Variants in SDHAF4 observed in about 807,000 individuals in gnomAD.
SDHAF4 encodes the protein succinate dehydrogenase assembly factor 4, mitochondrial.
Under a neutral mutation model 14.3 loss-of-function variants are expected in SDHAF4, and 14 were observed. The observed-to-expected ratio is 0.98, with a 90% CI of 0.65 to 1.53. The LOEUF (loss-of-function observed/expected upper bound fraction) is 1.53, where lower values mean the gene tolerates loss of function less well. Among genes scored for constraint, SDHAF4 ranks in the 40% most tolerant of loss-of-function variants. The pLI is 0.00. For missense variants in SDHAF4, 141 were observed against 129.3 expected (o/e 1.09, Z -0.44); for synonymous variants, 63 against 47.3 (o/e 1.33, Z -1.36).
intron 1 of SDHAF4, among the ~76,000 whole-genome samples, chr6:70,575,195 T>A (rs1802237880): frequency 6.6e-6 from 1 of 152,172 alleles, no homozygotes; most frequent in African/African-American, 2.4e-5. Context: ...CTGGCCAACA[T>A]GGCGAAACCC....
intron 1 of SDHAF4, among the ~76,000 whole-genome samples, chr6:70,568,587 G>T (rs1206223545): frequency 6.6e-6 from 1 of 152,116 alleles, no homozygotes; most frequent in African/African-American, 2.4e-5. Context: ...ATTTTCCAGT[G>T]CCCTTCTCAA....
downstream of SDHAF4, among the ~76,000 whole-genome samples, chr6:70,589,963 G>T (rs894933755): frequency 1.3e-5 from 2 of 152,094 alleles, no homozygotes; most frequent in Non-Finnish European, 2.9e-5. Context: ...AAAGTAAAAA[G>T]TACATATTCG....
chr6:70,584,189 G>A (rs958760816), intron 2 of SDHAF4, among the ~76,000 whole-genome samples: 1 of 152,044 alleles, frequency 6.6e-6, no homozygotes, highest in African/African-American at 2.4e-5. Flanking sequence ...GTTAATTTTT[G>A]TATTTTTAGT....
At chr6:70,597,299 A>ATTTTTTTTTTTTTTTTTTTTTTT in the SDHAF4 span, among the ~76,000 whole-genome samples, 4 of 108,076 alleles carry the variant, frequency 3.7e-5, no homozygotes, top group Non-Finnish European at 5.4e-5. Context: ...CGCCTGGCTA[A>ATTTTTTTTTTTTTTTTTTTTTTT]TTTTTTTTTT....
chr6:70,568,134 A>T (rs964025790), intron 1 of SDHAF4, among the ~76,000 whole-genome samples: 8 of 152,236 alleles, frequency 5.3e-5, no homozygotes, highest in African/African-American at 1.9e-4. Context: ...ACTTAATTGT[A>T]TAAGTTTTAA....
the SDHAF4 span, among the ~76,000 whole-genome samples, chr6:70,594,827 A>G: frequency 6.6e-6 from 1 of 151,754 alleles, no homozygotes. Flanking sequence ...CAGGAGAATC[A>G]CTTGAACCCG....
intron 1 of SDHAF4, among the ~76,000 whole-genome samples, chr6:70,573,149 T>C (rs1445765424): frequency 6.6e-6 from 1 of 152,126 alleles, no homozygotes; most frequent in Non-Finnish European, 1.5e-5. Flanking sequence ...CATGCCCAGC[T>C]AATCTTTCAT....
At chr6:70,573,089 C>T (rs1802205540) in intron 1 of SDHAF4, among the ~76,000 whole-genome samples, 1 of 152,066 alleles carries the variant, frequency 6.6e-6, no homozygotes, top group Non-Finnish European at 1.5e-5. Flanking sequence ...ATACTCCCGC[C>T]TCAGCCTTCT....
intron 1 of SDHAF4, among the ~76,000 whole-genome samples, chr6:70,571,000 T>G (rs761455742): frequency 2.6e-5 from 4 of 152,156 alleles, no homozygotes; most frequent in Non-Finnish European, 5.9e-5. Flanking sequence ...TGAAATAAAA[T>G]TTCATGGAAC....
intron 2 of SDHAF4, among the ~76,000 whole-genome samples, chr6:70,587,448 C>T (rs143935896): frequency 5.1e-4 from 77 of 152,206 alleles, no homozygotes; most frequent in Middle Eastern, 3.4e-3. Context: ...GCTGAGATCA[C>T]GCCACTCCAC....
At chr6:70,574,809 T>TCC (rs1315565203) in intron 1 of SDHAF4, among the ~76,000 whole-genome samples, 2 of 152,018 alleles carry the variant, frequency 1.3e-5, no homozygotes, top group Non-Finnish European at 2.9e-5. Context: ...GTGGCTGTAG[T>TCC]CCCAGCTGCT....
intron 2 of SDHAF4, among the ~76,000 whole-genome samples, chr6:70,588,357 T>C (rs1243359968): frequency 6.6e-6 from 1 of 152,068 alleles, no homozygotes; most frequent in Admixed American, 6.5e-5. Flanking sequence ...CCTTCTCTAC[T>C]AAAAATACAA....
chr6:70,594,844 G>A, the SDHAF4 span, among the ~76,000 whole-genome samples: 84 of 151,978 alleles, frequency 5.5e-4, no homozygotes, highest in African/African-American at 1.7e-3. Flanking sequence ...CCCGGGAGGC[G>A]GAGGTTGCAG....
Position 70,573,515 on chromosome 6 carries a change from C to G in SDHAF4, c.65-5899C>G, listed in dbSNP as rs560048346. 2.2e-4 allele frequency among the ~76,000 whole-genome samples: 34 copies of G among 151,794 alleles called. No homozygotes were observed. In the South Asian group the frequency reaches 7.1e-3, roughly 32 times the overall value. ...CTGACCTCAGGTGATCCACCTGCCT[C>G]AGCCTCCCAAATTGCTAGGATTACA... is the stretch of plus-strand genomic sequence containing the variant. On this transcript the variant is annotated intron_variant, in intron 1 of 2. Coordinates refer to ENST00000370474, the MANE Select transcript of SDHAF4 (RefSeq NM_145267.3).
intron 1 of SDHAF4, among the ~76,000 whole-genome samples, chr6:70,567,918 C>T (rs1015068135): frequency 1.3e-5 from 2 of 152,318 alleles, no homozygotes; most frequent in East Asian, 3.9e-4. Flanking sequence ...ATCTCCTGAC[C>T]TTGTGATCCG....
chr6:70,590,551 G>T (rs965438622), downstream of SDHAF4, among the ~76,000 whole-genome samples: 2 of 152,144 alleles, frequency 1.3e-5, no homozygotes, highest in Non-Finnish European at 2.9e-5. Flanking sequence ...TGCCATGCTG[G>T]GTCCAGTCAG....
intron 1 of SDHAF4, among the ~76,000 whole-genome samples, chr6:70,568,631 T>G (rs916094400): frequency 6.6e-6 from 1 of 152,216 alleles, no homozygotes; most frequent in African/African-American, 2.4e-5. Flanking sequence ...ACACTAGGAT[T>G]GGGTGCTACA....
downstream of SDHAF4, among the ~76,000 whole-genome samples, chr6:70,590,707 C>T (rs555212618): frequency 6.6e-6 from 1 of 152,278 alleles, no homozygotes; most frequent in African/African-American, 2.4e-5. Flanking sequence ...CTATATTATT[C>T]CTGTCTCACT....
At chr6:70,584,081 A>G (rs1163861863) in intron 2 of SDHAF4, among the ~76,000 whole-genome samples, 1 of 152,090 alleles carries the variant, frequency 6.6e-6, no homozygotes, top group Admixed American at 6.6e-5. Flanking sequence ...GCTGGCTTGC[A>G]GTGGTATGAT....
Sources: allele counts gnomAD v4.1 joint callset (sites outside exome capture counted in the v4.1 genomes callset), GRCh38; gene constraint gnomAD v4.1.1; transcripts MANE v1.5; gene names NCBI Gene and HGNC (gene_info 2026-07-23, HGNC 2026-07-21).